The following LDLRAD4 variants were observed in gnomAD, a reference collection of about 807,000 sequenced individuals.
LDLRAD4 encodes the protein low-density lipoprotein receptor class A domain-containing protein 4.
In LDLRAD4, 5 loss-of-function variants were observed where a neutral mutation model predicts 17.0. The observed-to-expected ratio is 0.29, with a 90% confidence interval of 0.15 to 0.62. LDLRAD4 has a LOEUF of 0.62. LDLRAD4 is among the 20% of genes least tolerant of loss of function. The pLI is 0.84. For missense variants in LDLRAD4, 340 were observed against 424.7 expected (o/e 0.80, Z 1.75); for synonymous variants, 168 against 171.8 (o/e 0.98, Z 0.17).
At chr18:13,562,503 T>C (rs926458989) in intron 3 of LDLRAD4, among the ~76,000 whole-genome samples, 1 of 152,384 alleles carries the variant, frequency 6.6e-6, no homozygotes, top group Non-Finnish European at 1.5e-5. Flanking sequence ...TGTGATTATT[T>C]GATACATGTA....
chr18:13,447,886 A>G (rs145162815), intron 3 of LDLRAD4, among the ~76,000 whole-genome samples: 5 of 152,312 alleles, frequency 3.3e-5, no homozygotes, highest in African/African-American at 9.6e-5. Flanking sequence ...AGGACACGCA[A>G]TGAGACGCCG....
At chr18:13,570,777 G>A (rs571000516) in intron 3 of LDLRAD4, among the ~76,000 whole-genome samples, 35 of 152,114 alleles carry the variant, frequency 2.3e-4, no homozygotes, top group South Asian at 6.2e-4. Flanking sequence ...TCTCTTTTTC[G>A]TCTTTTTCTT....
At chr18:13,401,482 A>G (rs2087191591) in intron 2 of LDLRAD4, among the ~76,000 whole-genome samples, 2 of 151,762 alleles carry the variant, frequency 1.3e-5, no homozygotes, top group Admixed American at 1.3e-4. Flanking sequence ...TTGTAAGTGC[A>G]TTGCTCAGAT....
intron 3 of LDLRAD4, among the ~76,000 whole-genome samples, chr18:13,492,721 C>T (rs2093384161): frequency 6.6e-6 from 1 of 152,174 alleles, no homozygotes; most frequent in African/African-American, 2.4e-5. Flanking sequence ...TCCTGAGTCA[C>T]CTGGGCAGTG....
At chr18:13,280,938 T>C (rs1455298376) in intron 1 of LDLRAD4, among the ~76,000 whole-genome samples, 1 of 152,182 alleles carries the variant, frequency 6.6e-6, no homozygotes, top group Non-Finnish European at 1.5e-5. Flanking sequence ...CAATTTAAAC[T>C]TTTTAAGGTA....
chr18:13,258,927 T>A (rs2043651564), intron 1 of LDLRAD4, among the ~76,000 whole-genome samples: 1 of 152,212 alleles, frequency 6.6e-6, no homozygotes, highest in Admixed American at 6.5e-5. Flanking sequence ...TAATCCAGAA[T>A]GGCCAAGTGC....
At chr18:13,348,221 T>C (rs888235205) in intron 1 of LDLRAD4, among the ~76,000 whole-genome samples, 7 of 152,186 alleles carry the variant, frequency 4.6e-5, no homozygotes, top group African/African-American at 1.7e-4. Context: ...CTTTGGTCTT[T>C]GATGATGGTG....
intron 1 of LDLRAD4, among the ~76,000 whole-genome samples, chr18:13,332,541 C>T (rs1465303314): frequency 2.0e-5 from 3 of 152,158 alleles, no homozygotes; most frequent in Admixed American, 6.5e-5. Context: ...CCTAAAAATC[C>T]TCTGTGCCTC....
chr18:13,324,141 ATTTT>A, intron 1 of LDLRAD4, among the ~76,000 whole-genome samples: 1 of 145,400 alleles, frequency 6.9e-6, no homozygotes, highest in African/African-American at 2.5e-5. Flanking sequence ...TCAAGTGTCT[ATTTT>A]TTTTTTTTTT....
intron 3 of LDLRAD4, among the ~76,000 whole-genome samples, chr18:13,475,498 T>G (rs1600655107): frequency 6.7e-6 from 1 of 148,714 alleles, no homozygotes; most frequent in East Asian, 2.0e-4. Flanking sequence ...GCAGTCCTCC[T>G]GCCTCAGCCT....
chr18:13,408,777 C>T (rs1255764287), intron 2 of LDLRAD4, among the ~76,000 whole-genome samples: 2 of 152,176 alleles, frequency 1.3e-5, no homozygotes, highest in Non-Finnish European at 2.9e-5. Context: ...AATCGAGCTT[C>T]CTTTTGGCTT....
intron 1 of LDLRAD4, among the ~76,000 whole-genome samples, chr18:13,319,997 A>G (rs1184862253): frequency 6.6e-6 from 1 of 152,328 alleles, no homozygotes; most frequent in Non-Finnish European, 1.5e-5. Flanking sequence ...CCAAAAAACT[A>G]TGTGTGGCCT....
intron 1 of LDLRAD4, among the ~76,000 whole-genome samples, chr18:13,364,462 C>T (rs1462646677): frequency 1.3e-5 from 2 of 152,042 alleles, no homozygotes; most frequent in Non-Finnish European, 2.9e-5. Context: ...CTCAGCCTCC[C>T]GAGTAGCTGG....
chr18:13,274,594 T>C (rs1046848525), upstream of LDLRAD4, among the ~76,000 whole-genome samples: 1 of 152,194 alleles, frequency 6.6e-6, no homozygotes, highest in Non-Finnish European at 1.5e-5. Context: ...GCTGAGTGAT[T>C]GATGAAGAAG....
intron 4 of LDLRAD4, among the ~76,000 whole-genome samples, chr18:13,631,651 C>T (rs935507096): frequency 3.3e-5 from 5 of 152,094 alleles, no homozygotes; most frequent in African/African-American, 1.2e-4. Flanking sequence ...ATACTGGCTG[C>T]GCACAGTGAC....
intron 3 of LDLRAD4, among the ~76,000 whole-genome samples, chr18:13,531,226 G>A (rs1601143450): frequency 6.6e-6 from 1 of 152,328 alleles, no homozygotes; most frequent in Non-Finnish European, 1.5e-5. Context: ...CATGCTTGAT[G>A]TTCCTTTAAT....
At chr18:13,395,347 T>A (rs887167165) in intron 2 of LDLRAD4, among the ~76,000 whole-genome samples, 1 of 144,274 alleles carries the variant, frequency 6.9e-6, no homozygotes, top group African/African-American at 2.6e-5. Context: ...ATTTAATAGT[T>A]GTCATGCCAT....
chr18:13,288,728 A>C (rs2045788922), intron 1 of LDLRAD4, among the ~76,000 whole-genome samples: 1 of 138,958 alleles, frequency 7.2e-6, no homozygotes, highest in Admixed American at 7.1e-5. Flanking sequence ...GCAGCCCCAC[A>C]GACCGTGGTC....
At chr18:13,416,295 C>G (rs2088885293) in intron 2 of LDLRAD4, among the ~76,000 whole-genome samples, 2 of 152,234 alleles carry the variant, frequency 1.3e-5, no homozygotes, top group Admixed American at 1.3e-4. Flanking sequence ...ACCCAGACCT[C>G]TTCCAGTTCT....
Sources: allele counts gnomAD v4.1 joint callset (sites outside exome capture counted in the v4.1 genomes callset), GRCh38; gene constraint gnomAD v4.1.1; transcripts MANE v1.5; gene names NCBI Gene and HGNC (gene_info 2026-07-23, HGNC 2026-07-21).